Variants in CD99L2 observed in about 807,000 individuals in gnomAD.
CD99L2 encodes CD99 molecule like 2, also known as CD99 antigen-like protein 2.
A neutral mutation model predicts 27.3 loss-of-function variants in CD99L2; 24 were observed. The ratio of observed to expected loss-of-function variants is 0.88; its 90% CI spans 0.64 to 1.24. The LOEUF (loss-of-function observed/expected upper bound fraction) is 1.24. Ranked by LOEUF, CD99L2 falls within the 50% of genes most tolerant of loss-of-function variation. CD99L2 has a pLI of 0.00. For synonymous variants in CD99L2, 97 were observed against 87.9 expected, an observed-to-expected ratio of 1.10 and a Z score of -0.58; for missense variants, 255 against 221.6, an observed-to-expected ratio of 1.15 and a Z score of -0.96.
chrX:150,879,925 C>CAAA (rs782555339), intron 1 of CD99L2, among the ~76,000 whole-genome samples: 815 of 27,266 alleles, frequency 0.03, 40 homozygotes, highest in African/African-American at 0.11. Flanking sequence ...ACCCTGTCTC[C>CAAA]AAAAAAAAAA....
intron 1 of CD99L2, among the ~76,000 whole-genome samples, chrX:150,851,432 C>T (rs1245112655): frequency 2.7e-5 from 3 of 112,117 alleles, no homozygotes; most frequent in Non-Finnish European, 5.6e-5. Flanking sequence ...GGAGCTGAGG[C>T]TCAGATAGAT....
intron 10 of CD99L2, 50 bp downstream of exon 10, chrX:150,770,254 G>T (rs782248083): frequency 9.0e-7 from 1 of 1,114,593 alleles, no homozygotes; most frequent in South Asian, 1.8e-5. Flanking sequence ...CTCAGTGCTG[G>T]GACCAACTAG....
intron 7 of CD99L2, among the ~76,000 whole-genome samples, chrX:150,792,548 C>G (rs892692439): frequency 7.1e-5 from 8 of 112,194 alleles, no homozygotes; most frequent in Non-Finnish European, 1.1e-4. Context: ...GAAGAGAACA[C>G]TATTCCCATA....
intron 1 of CD99L2, among the ~76,000 whole-genome samples, chrX:150,844,783 A>C (rs193235667): frequency 7.6e-4 from 85 of 111,663 alleles, no homozygotes; most frequent in African/African-American, 2.7e-3. Context: ...ATTTCAGTCC[A>C]CAACAGCCAC....
chrX:150,789,584 T>C (rs1557419662), intron 7 of CD99L2, among the ~76,000 whole-genome samples: 1 of 112,026 alleles, frequency 8.9e-6, no homozygotes, highest in East Asian at 2.8e-4. Context: ...AACCTGTATG[T>C]AATGTTTAAA....
intron 2 of CD99L2, among the ~76,000 whole-genome samples, chrX:150,830,831 G>A (rs1273650535): frequency 7.3e-5 from 8 of 109,022 alleles, no homozygotes; most frequent in East Asian, 5.7e-4. Flanking sequence ...TTTTTGAGAC[G>A]GAGATCTTGC....
intron 1 of CD99L2, among the ~76,000 whole-genome samples, chrX:150,859,386 C>A (rs970699941): frequency 9.0e-6 from 1 of 110,955 alleles, no homozygotes; most frequent in Non-Finnish European, 1.9e-5. Context: ...ATAATCCCAA[C>A]TACTCGGGAG....
At chrX:150,774,721 G>A (rs1459264042) in intron 9 of CD99L2, among the ~76,000 whole-genome samples, 1 of 112,290 alleles carries the variant, frequency 8.9e-6, no homozygotes, top group Non-Finnish European at 1.9e-5. Context: ...CCCCCGCCGC[G>A]CTAAATGCAA....
chrX:150,789,321 A>T (rs1557419650), intron 7 of CD99L2, among the ~76,000 whole-genome samples: 1 of 109,883 alleles, frequency 9.1e-6, no homozygotes, highest in African/African-American at 3.3e-5. Flanking sequence ...ACAGGGTTTC[A>T]CCGTGTTAGC....
rs146651983 is a variant in CD99L2, at chrX:150,809,402, A to G, written c.277+5460T>C. Among the ~76,000 whole-genome samples, 616 of 112,422 alleles carry G rather than the reference A, an allele frequency of 5.5e-3. 8 individuals are homozygous for G. Among genetic ancestry groups the G allele is most frequent in the African/African-American group, 7.9e-3 (246 of 31,028 alleles). On this transcript the variant is annotated intron_variant, in intron 4 of 10. Transcript: ENST00000370377. ...CCCATACTCCTGACCCAGGGAAATT[A>G]TAAGAGTGAATGAATACTACTTTAA...
At chrX:150,863,601 T>C (rs781895497) in intron 1 of CD99L2, among the ~76,000 whole-genome samples, 1 of 112,016 alleles carries the variant, frequency 8.9e-6, no homozygotes, top group African/African-American at 3.2e-5. Context: ...GTTTGTTTGC[T>C]TGTTTGTTTG....
At chrX:150,794,562 A>G (rs1039971524) in intron 6 of CD99L2, among the ~76,000 whole-genome samples, 1 of 112,659 alleles carries the variant, frequency 8.9e-6, no homozygotes, top group Non-Finnish European at 1.9e-5. Flanking sequence ...CACGGAACCA[A>G]GTGTGGAAAG....
At chrX:150,786,674 C>T (rs993905878) in intron 7 of CD99L2, among the ~76,000 whole-genome samples, 1 of 111,985 alleles carries the variant, frequency 8.9e-6, no homozygotes, top group Admixed American at 9.5e-5. Context: ...TAGTGCTGCA[C>T]TGAACATACA....
chrX:150,794,604 C>T (rs782007653), intron 6 of CD99L2, among the ~76,000 whole-genome samples: 3 of 112,539 alleles, frequency 2.7e-5, no homozygotes, highest in Non-Finnish European at 3.8e-5. Context: ...CTCCACACTA[C>T]GCTTAACCTG....
chrX:150,837,378 T>C (rs1479891143), intron 1 of CD99L2, among the ~76,000 whole-genome samples: 5 of 110,533 alleles, frequency 4.5e-5, no homozygotes, highest in African/African-American at 9.9e-5. Context: ...GCCTCCTGAG[T>C]AGCTGGGATT....
chrX:150,840,239 GAAAGAAAAA>G (rs1292007142), intron 1 of CD99L2, among the ~76,000 whole-genome samples: 1 of 104,456 alleles, frequency 9.6e-6, no homozygotes, highest in African/African-American at 3.6e-5. Flanking sequence ...GAAAGAAAAA[GAAAGAAAAA>G]AAAGAAAAAA....
chrX:150,802,970 A>G (rs1399118302), intron 4 of CD99L2, among the ~76,000 whole-genome samples: 2 of 88,550 alleles, frequency 2.3e-5, no homozygotes, highest in African/African-American at 8.8e-5. Flanking sequence ...ATCTCAGCTC[A>G]CTGCAAACTC....
chrX:150,771,881 A>G (rs1312549260), intron 9 of CD99L2: 3 of 1,118,088 alleles, frequency 2.7e-6, no homozygotes, highest in Middle Eastern at 2.4e-4. Flanking sequence ...GACAGCAAAC[A>G]TGCGGGCTTT....
intron 8 of CD99L2, 104 bp downstream of exon 8, chrX:150,777,340 T>C (rs2043574861): frequency 6.0e-6 from 6 of 1,007,977 alleles, no homozygotes; most frequent in Middle Eastern, 2.6e-4. Context: ...GTTTGCCTGA[T>C]GCAGTTTCTA....
Sources: allele counts gnomAD v4.1 joint callset (sites outside exome capture counted in the v4.1 genomes callset), GRCh38; gene constraint gnomAD v4.1.1; transcripts MANE v1.5; gene names NCBI Gene and HGNC (gene_info 2026-07-23, HGNC 2026-07-21).